GREB1L: variants seen among roughly 807,000 people sequenced by gnomAD.
The protein encoded by GREB1L is GREB1 like retinoic acid receptor coactivator.
In GREB1L, 17 loss-of-function variants were observed where a neutral mutation model predicts 200.8. The observed-to-expected ratio is 0.08, with a 90% CI of 0.06 to 0.13. GREB1L has a LOEUF of 0.13. GREB1L is among the 10% of genes least tolerant of loss of function. The probability of loss-of-function intolerance (pLI) is 1.00; values close to 1 mark genes in which losing one functional copy is unlikely to be tolerated. For missense variants in GREB1L, 1,657 were observed against 2,367.7 expected (o/e 0.70, Z 6.23); for synonymous variants, 789 against 893.0 (o/e 0.88, Z 2.08).
In GREB1L at chr18:21,449,592, C is replaced by T; in HGVS notation, c.1476C>T (p.Ala492=). Residue 492 remains alanine (A), a synonymous_variant, in exon 12 of 33, where the codon GCC becomes GCT. Transcript: ENST00000424526. ...AMQEFTLRER[A]LQIGAQCVPV... Reference sequence around the variant, plus strand: ...AAGAATTTACTCTGAGAGAAAGAGCCCTGCAGATAGGTGCTCAGTGTGTCC... The same window carrying T: ...AAGAATTTACTCTGAGAGAAAGAGCTCTGCAGATAGGTGCTCAGTGTGTCC... The T allele has an allele frequency of 6.4e-7, 1 of 1,551,260 alleles. No homozygotes were observed. The highest frequency in any genetic ancestry group is 8.7e-7 in the Non-Finnish European group (1 of 1,146,762).
intron 1 of GREB1L, among the ~76,000 whole-genome samples, chr18:21,341,083 C>T (rs2039263190): frequency 2.0e-5 from 3 of 152,204 alleles, no homozygotes; most frequent in South Asian, 4.1e-4. Flanking sequence ...ATGATCACCA[C>T]TGCCTGTCTT....
chr18:21,375,908 C>T (rs2040051935), intron 2 of GREB1L, among the ~76,000 whole-genome samples: 1 of 152,182 alleles, frequency 6.6e-6, no homozygotes, highest in Non-Finnish European at 1.5e-5. Flanking sequence ...CCACCACCAC[C>T]ATCACTACTG....
chr18:21,257,864 A>T (rs993013736), intron 1 of GREB1L, among the ~76,000 whole-genome samples: 3 of 152,218 alleles, frequency 2.0e-5, no homozygotes, highest in Non-Finnish European at 4.4e-5. Flanking sequence ...CATTGTGCAC[A>T]TATCATTTCT....
chr18:21,512,035 TTA>T, intron 27 of GREB1L, among the ~76,000 whole-genome samples: 1 of 152,184 alleles, frequency 6.6e-6, no homozygotes, highest in East Asian at 1.9e-4. Flanking sequence ...ATGAGAGGGT[TTA>T]TTTCTGGGCT....
intron 7 of GREB1L, among the ~76,000 whole-genome samples, chr18:21,419,211 A>G (rs1292882505): frequency 6.6e-6 from 1 of 152,228 alleles, no homozygotes; most frequent in Admixed American, 6.5e-5. Context: ...GCAGAAGGAC[A>G]AAATTGCCTA....
At chr18:21,283,517 T>C (rs2038305656) in intron 1 of GREB1L, among the ~76,000 whole-genome samples, 1 of 152,230 alleles carries the variant, frequency 6.6e-6, no homozygotes. Flanking sequence ...AGCTGTGCTT[T>C]ACTGGATACA....
In GREB1L at chr18:21,395,575, G is replaced by A. The variant is rs1431145440; in HGVS notation, c.532+14G>A. 1 of 1,523,230 alleles carries A rather than the reference G, an allele frequency of 6.6e-7. No individual in the cohort carries two copies. Among genetic ancestry groups the A allele is most frequent in the Non-Finnish European group, 8.8e-7 (1 of 1,132,800 alleles). 94.4% of individuals were successfully genotyped at this position (1,523,230 alleles called of 1,614,324 possible). On this transcript the variant is annotated intron_variant, in intron 5 of 32. Transcript: ENST00000424526. The stretch of plus-strand genomic sequence containing the variant: ...ATGCACTTTTAGGTGAGTGTTTCAT[G>A]CTTATAAAATTCCTTCCAATATGAG...
chr18:21,285,338 A>G (rs1303665402), intron 1 of GREB1L, among the ~76,000 whole-genome samples: 2 of 152,202 alleles, frequency 1.3e-5, no homozygotes, highest in Non-Finnish European at 2.9e-5. Flanking sequence ...ATTTACACCT[A>G]TGTTATGGTT....
chr18:21,397,177 T>G (rs962894480), intron 5 of GREB1L, among the ~76,000 whole-genome samples: 6 of 152,066 alleles, frequency 3.9e-5, no homozygotes, highest in Admixed American at 6.6e-5. Flanking sequence ...GTAATTTTCA[T>G]TTTTTATAAG....
Position 21,410,018 on chromosome 18 carries a change from T to C in GREB1L, c.832+6024T>C, listed in dbSNP as rs185594432. Among the ~76,000 whole-genome samples the C allele has an allele frequency of 3.3e-5, 5 of 152,356 alleles. No individual in the cohort carries two copies. In the East Asian group the frequency reaches 9.6e-4, roughly 29 times the overall value. On this transcript the variant is annotated intron_variant, in intron 7 of 32. Transcript: ENST00000424526. ...AATAAATGTTATTTGAATTCTGTTT[T>C]TATTTAAATTAGAAATTAGCATTTG... is the stretch of plus-strand genomic sequence containing the variant.
intron 6 of GREB1L, among the ~76,000 whole-genome samples, chr18:21,402,916 T>A (rs1455879019): frequency 6.6e-6 from 1 of 151,064 alleles, no homozygotes; most frequent in East Asian, 1.9e-4. Context: ...TTTATATAAT[T>A]TATATATATA....
At chr18:21,357,436 C>G (rs1022718278) in intron 1 of GREB1L, among the ~76,000 whole-genome samples, 1 of 152,216 alleles carries the variant, frequency 6.6e-6, no homozygotes. Flanking sequence ...TATGTTGGCT[C>G]TTCGCCCTGT....
intron 1 of GREB1L, among the ~76,000 whole-genome samples, chr18:21,245,697 TTTTTGTTTTGTTTTG>T (rs548631647): frequency 1.7e-4 from 26 of 150,946 alleles, no homozygotes; most frequent in South Asian, 1.2e-3. Context: ...GCCTATTCTT[TTTTTGTTTTGTTTTG>T]TTTTGTTTTG....
chr18:21,277,549 C>T (rs2038189189), intron 1 of GREB1L, among the ~76,000 whole-genome samples: 1 of 152,150 alleles, frequency 6.6e-6, no homozygotes, highest in South Asian at 2.1e-4. Context: ...CTTTTGTCAC[C>T]TTCTTCCTAG....
Position 21,526,029 on chromosome 18 carries a change from CTG to C in GREB1L, c.*3211_*3212del, listed in dbSNP as rs1163074259. On this transcript the variant is annotated 3_prime_UTR_variant, in exon 33 of 33. Transcript: ENST00000424526. ...CTGCCTTGAAAAGACTATTAATTAA[CTG>C]TGAAACTGACTGCTGCAACATCACA... Among the ~76,000 whole-genome samples the C allele has an allele frequency of 6.6e-6, 1 of 152,112 alleles. No individual in the cohort carries two copies. The highest frequency in any genetic ancestry group is 6.6e-5 in the Admixed American group (1 of 15,256).
intron 18 of GREB1L, among the ~76,000 whole-genome samples, chr18:21,486,215 G>A (rs1342611823): frequency 3.9e-5 from 6 of 152,096 alleles, no homozygotes; most frequent in Admixed American, 6.5e-5. Context: ...TTAGCCAGGC[G>A]TGGTGGCAGA....
intron 9 of GREB1L, among the ~76,000 whole-genome samples, chr18:21,440,773 C>A (rs2033855539): frequency 6.6e-6 from 1 of 152,166 alleles, no homozygotes; most frequent in South Asian, 2.1e-4. Flanking sequence ...GGCTAGAAAC[C>A]TGAAAAACCA....
intron 5 of GREB1L, among the ~76,000 whole-genome samples, chr18:21,397,726 T>G (rs1389865525): frequency 6.6e-6 from 1 of 152,080 alleles, no homozygotes; most frequent in Non-Finnish European, 1.5e-5. Context: ...GTTTTCACTT[T>G]GTTTAGTGAA....
chr18:21,434,854 C>T (rs953894098), intron 7 of GREB1L: 2 of 152,534 alleles, frequency 1.3e-5, no homozygotes, highest in Non-Finnish European at 2.9e-5. Flanking sequence ...GACTGAAATT[C>T]TATAATCTCC....
Sources: allele counts gnomAD v4.1 joint callset (sites outside exome capture counted in the v4.1 genomes callset), GRCh38; gene constraint gnomAD v4.1.1; transcripts MANE v1.5; gene names NCBI Gene and HGNC (gene_info 2026-07-23, HGNC 2026-07-21).